POMGNT2: variants seen among roughly 807,000 people sequenced by gnomAD.
POMGNT2 encodes protein O-linked-mannose beta-1,4-N-acetylglucosaminyltransferase 2.
Under a neutral mutation model 37.8 loss-of-function variants are expected in POMGNT2, and 32 were observed. The ratio of observed to expected loss-of-function variants is 0.85; its 90% confidence interval spans 0.64 to 1.14. POMGNT2 has a LOEUF of 1.14. Among genes scored for constraint, POMGNT2 ranks in the 50% most tolerant of loss-of-function variants. The pLI is 0.00. For missense variants in POMGNT2, 705 were observed against 780.6 expected (o/e 0.90, Z 1.15); for synonymous variants, 340 against 336.8 (o/e 1.01, Z -0.10).
At chr3:43,091,444 G>A (rs943428334) in intron 1 of POMGNT2, among the ~76,000 whole-genome samples, 6 of 152,106 alleles carry the variant, frequency 3.9e-5, no homozygotes, top group Non-Finnish European at 8.8e-5. Context: ...AATTAGGAGA[G>A]AAAGGACAGC....
At chr3:43,094,480 A>G (rs1007235057) in intron 1 of POMGNT2, among the ~76,000 whole-genome samples, 1 of 152,226 alleles carries the variant, frequency 6.6e-6, no homozygotes, top group African/African-American at 2.4e-5. Context: ...TGACAACAGA[A>G]CAGCAGCAAG....
At chr3:43,090,547 A>C (rs1055532171) in intron 1 of POMGNT2, 1 of 152,208 alleles carries the variant, frequency 6.6e-6, no homozygotes, top group Non-Finnish European at 1.5e-5. Context: ...GTGCCCAGTA[A>C]GACATGCCCT....
At position 43,081,184 on chromosome 3, in the gene POMGNT2, C is replaced by T. The variant is rs1163201244; in HGVS notation, c.248G>A (p.Trp83Ter). The change falls in exon 2 of 2, where the codon TGG becomes TAG. Residue 83 changes from tryptophan (W) to a stop codon, truncating the protein, a stop_gained. Coordinates refer to ENST00000344697, the MANE Select transcript of POMGNT2 (RefSeq NM_032806.6). LOFTEE classifies it high-confidence loss of function. The stretch of plus-strand genomic sequence containing the variant: ...CTCAGCCTCGTTGGAGTAGCAGAGC[C>T]ACTTGAAGCGGCAGATGCGGTCTGT... ...THTDRICRFK[W>*]LCYSNEAEEF... 3 of 1,614,058 alleles carry T rather than the reference C, an allele frequency of 1.9e-6. No individual in the cohort carries two copies. The highest frequency in any genetic ancestry group is 1.6e-4 in the Middle Eastern group (1 of 6,084).
intron 1 of POMGNT2, among the ~76,000 whole-genome samples, chr3:43,104,264 G>A (rs1386074831): frequency 1.3e-5 from 2 of 152,192 alleles, no homozygotes; most frequent in African/African-American, 2.4e-5. Context: ...TGGGAATCAC[G>A]TGATTGGTAG....
In POMGNT2 at chr3:43,079,631, G is replaced by A. The variant is rs2089827179; in HGVS notation, c.*58C>T. ...GAAGTCTCCACAGTGGGATTAATGGGCCCAGGGACGCTGAACTGCAGGAGC... is the reference window on the plus strand; with the variant it reads ...GAAGTCTCCACAGTGGGATTAATGGACCCAGGGACGCTGAACTGCAGGAGC... On this transcript the variant is annotated 3_prime_UTR_variant, in exon 2 of 2. Coordinates refer to ENST00000344697, the MANE Select transcript of POMGNT2 (RefSeq NM_032806.6). 2.0e-5 allele frequency: 30 copies of A among 1,483,072 alleles called. No homozygotes were observed. Among genetic ancestry groups the A allele is most frequent in the Non-Finnish European group, 2.6e-5 (28 of 1,082,916 alleles). 91.9% of individuals were successfully genotyped at this position (1,483,072 alleles called of 1,614,324 possible).
intron 1 of POMGNT2, among the ~76,000 whole-genome samples, chr3:43,104,593 T>C (rs969436059): frequency 3.3e-5 from 5 of 152,184 alleles, no homozygotes; most frequent in African/African-American, 4.8e-5. Flanking sequence ...CCTATGCTCT[T>C]TCCTAGCTCT....
At position 43,105,941 on chromosome 3, in the gene POMGNT2, T is replaced by TGGCCCAGGAGGCCCAGAA. The variant is rs1559423157; in HGVS notation, c.-229_-212dup. ...CGCCGCCGCCCCCAGCGCCAGCTTC[T>TGGCCCAGGAGGCCCAGAA]GGCCCAGGAGGCCCAGAAGGCCCAG... On this transcript the variant is annotated 5_prime_UTR_variant, in exon 1 of 2. Transcript: ENST00000344697. The TGGCCCAGGAGGCCCAGAA allele has an allele frequency of 2.0e-5, 3 of 151,642 alleles. No individual in the cohort carries two copies. The highest frequency in any genetic ancestry group is 2.0e-4 in the Admixed American group (3 of 15,232). 9.4% of individuals were successfully genotyped at this position (151,642 alleles called of 1,614,324 possible). A position where few individuals can be genotyped will look rare whatever the true frequency, so the allele number is the denominator to read the frequency against.
intron 1 of POMGNT2, among the ~76,000 whole-genome samples, chr3:43,095,185 G>C (rs1264349857): frequency 1.3e-5 from 2 of 152,220 alleles, no homozygotes; most frequent in Non-Finnish European, 2.9e-5. Flanking sequence ...GCCTCTCAGA[G>C]ACAAGGGCTG....
At chr3:43,087,080 C>T (rs77907752) in intron 1 of POMGNT2, among the ~76,000 whole-genome samples, 1,598 of 152,178 alleles carry the variant, frequency 0.011, 26 homozygotes, top group African/African-American at 0.037. Context: ...AGAGCCAGCC[C>T]GGATGACCAA....
At chr3:43,087,957 C>T (rs2089911421) in intron 1 of POMGNT2, 1 of 152,186 alleles carries the variant, frequency 6.6e-6, no homozygotes, top group Non-Finnish European at 1.5e-5. Flanking sequence ...GGGTACAGTA[C>T]CCACCTCACA....
At chr3:43,092,170 T>C (rs887973019) in intron 1 of POMGNT2, among the ~76,000 whole-genome samples, 2 of 152,216 alleles carry the variant, frequency 1.3e-5, no homozygotes, top group African/African-American at 4.8e-5. Context: ...AAGATGTTAT[T>C]AGTAGGGGAA....
intron 1 of POMGNT2, among the ~76,000 whole-genome samples, chr3:43,105,373 G>A (rs537316724): frequency 3.8e-4 from 58 of 152,330 alleles, no homozygotes; most frequent in African/African-American, 1.2e-3. Context: ...GGCCTGCCGG[G>A]GTTCTGCCTT....
At position 43,081,122 on chromosome 3, in the gene POMGNT2, G is replaced by T; in HGVS notation, c.310C>A (p.Leu104Met). The part of the protein sequence containing the change: ...IFFHGNTSVM[L>M]PNLGSRRFQP... ...AAGCGCCGGGAGCCCAGGTTGGGCA[G>T]CATGACAGAGGTGTTGCCATGGAAG... is the stretch of plus-strand genomic sequence containing the variant. Residue 104 changes from leucine (L) to methionine (M), a missense_variant, in exon 2 of 2, where the codon CTG becomes ATG. By Grantham distance (15) the Leu-to-Met change is conservative (BLOSUM62 2). Transcript: ENST00000344697. 1 of 1,614,252 alleles carries T rather than the reference G, an allele frequency of 6.2e-7. No homozygotes were observed. Among genetic ancestry groups the T allele is most frequent in the Non-Finnish European group, 8.5e-7 (1 of 1,180,046 alleles).
At position 43,104,655 on chromosome 3, in the gene POMGNT2, C is replaced by A. The variant is rs371545631; in HGVS notation, c.-106+1181G>T. On this transcript the variant is annotated intron_variant, in intron 1 of 1. Transcript: ENST00000344697. ...ATATTGAAAGGATGAGCTGGAAGAT[C>A]TGCAAGATTCATGAGAGCCAGAGAG... Among the ~76,000 whole-genome samples the A allele has an allele frequency of 1.2e-3, 181 of 152,342 alleles. 4 individuals carry two copies. The South Asian group carries it at 0.035, about 30-fold the overall frequency.
rs773958521 is a variant in POMGNT2, at chr3:43,079,910, T to C, written c.1522A>G (p.Ile508Val). Residue 508 changes from isoleucine (I) to valine (V), a missense_variant, in exon 2 of 2, where the codon ATC becomes GTC. Transcript: ENST00000344697. ...TTCAGGTATTTAAGGTTCCATGGGA[T>C]CTGCCAGGAGACAGTGAGGCGGGCC... ...SEARLTVSWQIPWNLKYLKVR... is the reference protein window; with the variant it reads ...SEARLTVSWQVPWNLKYLKVR... 6.8e-6 allele frequency: 11 copies of C among 1,614,152 alleles called. No homozygotes were observed. The Admixed American group carries it at 1.8e-4, about 27-fold the overall frequency.
chr3:43,097,054 G>T (rs561954898), intron 1 of POMGNT2, among the ~76,000 whole-genome samples: 1 of 152,202 alleles, frequency 6.6e-6, no homozygotes, highest in African/African-American at 2.4e-5. Context: ...AGCTCACCAC[G>T]TGAGGGTGGT....
chr3:43,099,919 G>A (rs1418972596), intron 1 of POMGNT2, among the ~76,000 whole-genome samples: 1 of 152,136 alleles, frequency 6.6e-6, no homozygotes, highest in African/African-American at 2.4e-5. Context: ...TCTTCACTTT[G>A]CAATGATAAT....
intron 1 of POMGNT2, among the ~76,000 whole-genome samples, chr3:43,096,262 C>T (rs1575472193): frequency 6.6e-6 from 1 of 152,260 alleles, no homozygotes; most frequent in African/African-American, 2.4e-5. Context: ...AGGATCCAAT[C>T]GGCACCTGAA....
chr3:43,089,199 A>G (rs2089922930), intron 1 of POMGNT2, among the ~76,000 whole-genome samples: 1 of 152,226 alleles, frequency 6.6e-6, no homozygotes, highest in African/African-American at 2.4e-5. Flanking sequence ...GTGTCACAGC[A>G]CGGGCAGAAG....
Sources: gnomAD v4.1 joint callset for allele counts (sites outside exome capture counted in the v4.1 genomes callset) on GRCh38, gnomAD v4.1.1 for gene constraint, MANE v1.5 for transcripts, NCBI Gene and HGNC (gene_info 2026-07-23, HGNC 2026-07-21) for gene names.